Variants in ELL observed in about 807,000 individuals in gnomAD.
ELL encodes the protein RNA polymerase II elongation factor ELL.
Under a neutral mutation model 64.0 loss-of-function variants are expected in ELL, and 18 were observed. The observed-to-expected ratio is 0.28, with a 90% CI of 0.19 to 0.42. The LOEUF (loss-of-function observed/expected upper bound fraction) is 0.42, where lower values mean the gene tolerates loss of function less well. Ranked by LOEUF, ELL falls within the 10% of genes least tolerant of loss-of-function variation. The probability of loss-of-function intolerance (pLI) is 1.00; values close to 1 mark genes in which losing one functional copy is unlikely to be tolerated. For synonymous variants in ELL, 399 were observed against 376.2 expected, an observed-to-expected ratio of 1.06 and a Z score of -0.70; for missense variants, 797 against 870.4, an observed-to-expected ratio of 0.92 and a Z score of 1.06.
intron 1 of ELL, among the ~76,000 whole-genome samples, chr19:18,484,259 T>G (rs927156796): frequency 6.6e-6 from 1 of 151,996 alleles, no homozygotes; most frequent in East Asian, 1.9e-4. Flanking sequence ...AAGTCAAGAG[T>G]TCGAGACCAG....
chr19:18,452,458 CAG>C (rs1485403686), intron 6 of ELL, among the ~76,000 whole-genome samples: 2 of 152,228 alleles, frequency 1.3e-5, no homozygotes, highest in African/African-American at 4.8e-5. Context: ...CAGTTAAAGA[CAG>C]AAAACTGAGA....
chr19:18,488,404 T>C (rs1318366861), intron 1 of ELL, among the ~76,000 whole-genome samples: 1 of 152,172 alleles, frequency 6.6e-6, no homozygotes, highest in Non-Finnish European at 1.5e-5. Flanking sequence ...CCAAGCTGGA[T>C]AGGAGCTGCA....
rs923237668 is a variant in ELL at position 18,501,835 on chromosome 19, G to A, written c.135+20086C>T. Among the ~76,000 whole-genome samples the A allele has an allele frequency of 2.6e-5, 4 of 152,198 alleles. No individual in the cohort carries two copies. The East Asian group carries it at 5.8e-4, about 22-fold the overall frequency. ...CCTCAACCTCCAGCTACGTGTCTGC[G>A]GGTGGGCAGGAAGGAGGGGAGGCAG... On this transcript the variant is annotated intron_variant, in intron 1 of 11. Coordinates refer to ENST00000262809, the MANE Select transcript of ELL (RefSeq NM_006532.4). This position sits in a 1 kb window ranked among gnomAD's most constrained non-coding sequence, Gnocchi z 4.5.
chr19:18,473,146 G>T, intron 1 of ELL: 1 of 675,770 alleles, frequency 1.5e-6, no homozygotes, highest in Non-Finnish European at 2.7e-6. Context: ...ACAGGCAACA[G>T]GCTGGCGGAA....
intron 2 of ELL, among the ~76,000 whole-genome samples, chr19:18,466,550 A>G (rs1390725325): frequency 1.3e-5 from 2 of 152,332 alleles, no homozygotes; most frequent in East Asian, 3.9e-4. Context: ...GTGCCCCTGC[A>G]GCCCAGCTGG....
chr19:18,468,988 G>A (rs1207465032), intron 2 of ELL, among the ~76,000 whole-genome samples: 1 of 152,178 alleles, frequency 6.6e-6, no homozygotes, highest in Admixed American at 6.5e-5. Context: ...ACCCTGCTTG[G>A]ATCTTTTCCA....
At chr19:18,507,882 C>A (rs923408471) in intron 1 of ELL, among the ~76,000 whole-genome samples, 1 of 152,216 alleles carries the variant, frequency 6.6e-6, no homozygotes, top group East Asian at 1.9e-4. Context: ...GCCTGACCCC[C>A]AGCTCCATCC....
chr19:18,470,703 A>G (rs1397936368), intron 2 of ELL, among the ~76,000 whole-genome samples: 1 of 152,180 alleles, frequency 6.6e-6, no homozygotes, highest in Non-Finnish European at 1.5e-5. Context: ...GAAAGCAAGT[A>G]AAGGAGATGA....
intron 6 of ELL, among the ~76,000 whole-genome samples, chr19:18,455,386 G>A (rs773727209): frequency 6.6e-6 from 1 of 150,870 alleles, no homozygotes; most frequent in African/African-American, 2.4e-5. Context: ...AGCTACTCGG[G>A]AAGCTGAGGC....
chr19:18,519,093 T>G lies in ELL; in HGVS notation c.135+2828A>C, dbSNP rs189825508. Among the ~76,000 whole-genome samples, 908 of 151,750 alleles carry G rather than the reference T, an allele frequency of 6.0e-3. 9 individuals carry two copies. Among genetic ancestry groups the G allele is most frequent in the African/African-American group, 0.021 (869 of 41,368 alleles). On this transcript the variant is annotated intron_variant, in intron 1 of 11. Transcript: ENST00000262809. The stretch of plus-strand genomic sequence containing the variant: ...AAAACTAAAAATAGGCCGGGCACGG[T>G]TGGTCACGCCTGTAATCCCAGCACT...
chr19:18,469,438 G>A (rs1451220373), intron 2 of ELL, among the ~76,000 whole-genome samples: 1 of 152,232 alleles, frequency 6.6e-6, no homozygotes, highest in Admixed American at 6.5e-5. Context: ...AGCTTGCCCG[G>A]GTTCTGGGAC....
rs1974367021 is a variant in ELL at position 18,444,497 on chromosome 19, G to GA, written c.*254dup. 2 of 453,762 alleles carry GA rather than the reference G, an allele frequency of 4.4e-6. No homozygotes were observed. Among genetic ancestry groups the GA allele is most frequent in the South Asian group, 7.1e-5 (2 of 28,134 alleles). 28.1% of individuals were successfully genotyped at this position (453,762 alleles called of 1,614,324 possible). On this transcript the variant is annotated 3_prime_UTR_variant, in exon 12 of 12. Coordinates refer to ENST00000262809, the MANE Select transcript of ELL (RefSeq NM_006532.4). ...TGGCGAGACAGGAGGCTGAACCCCG[G>GA]AGGCTGCAGCCAGGGAGGAGGCAGT...
intron 4 of ELL, among the ~76,000 whole-genome samples, chr19:18,462,633 C>A (rs1307418731): frequency 6.6e-6 from 1 of 152,050 alleles, no homozygotes; most frequent in Non-Finnish European, 1.5e-5. Context: ...CCTCCCACCT[C>A]AGCTTTCCAA....
intron 5 of ELL, among the ~76,000 whole-genome samples, chr19:18,460,544 T>C (rs574769422): frequency 1.3e-5 from 2 of 152,324 alleles, no homozygotes; most frequent in East Asian, 3.9e-4. Flanking sequence ...ATGCCAGCCC[T>C]AGCCTTGGGA....
chr19:18,500,589 T>C (rs1267235996), intron 1 of ELL, among the ~76,000 whole-genome samples: 3 of 152,110 alleles, frequency 2.0e-5, no homozygotes, highest in African/African-American at 7.2e-5. Flanking sequence ...GAAGCAGCTG[T>C]GTGTTGGGGC....
At chr19:18,446,936 A>G (rs1356167336) in intron 8 of ELL, 122 bp from the exon 9 acceptor site, 1 of 1,060,880 alleles carries the variant, frequency 9.4e-7, no homozygotes, top group Non-Finnish European at 1.4e-6. Flanking sequence ...ATAGAGGGAT[A>G]GCAGAGGGGA....
At chr19:18,446,943 G>A in intron 8 of ELL, 129 bp from the exon 9 acceptor site, 2 of 1,027,234 alleles carry the variant, frequency 1.9e-6, no homozygotes, top group Non-Finnish European at 3.0e-6. Context: ...GATAGCAGAG[G>A]GGATGACTGT....
chr19:18,456,256 G>C (rs560447220), intron 6 of ELL, among the ~76,000 whole-genome samples: 8 of 152,342 alleles, frequency 5.3e-5, no homozygotes, highest in African/African-American at 1.7e-4. Flanking sequence ...CAGCCTGCGG[G>C]GGCCGTGGTG....
intron 1 of ELL, among the ~76,000 whole-genome samples, chr19:18,512,853 GCCA>G (rs1362255278): frequency 6.6e-6 from 1 of 152,094 alleles, no homozygotes; most frequent in East Asian, 1.9e-4. Flanking sequence ...TGGGAGCAGC[GCCA>G]CCAATGTACC....
Sources: gnomAD v4.1 joint callset for allele counts (sites outside exome capture counted in the v4.1 genomes callset) on GRCh38, gnomAD v4.1.1 for gene constraint, Gnocchi (gnomAD v3.1) non-coding constraint, MANE v1.5 for transcripts, NCBI Gene and HGNC (gene_info 2026-07-23, HGNC 2026-07-21) for gene names.